CSGALNACT1: variants seen among roughly 807,000 people sequenced by gnomAD.
The protein encoded by CSGALNACT1 is chondroitin sulfate N-acetylgalactosaminyltransferase 1, also known as beta4GalNAcT-1.
Under a neutral mutation model 51.0 loss-of-function variants are expected in CSGALNACT1, and 52 were observed. The ratio of observed to expected loss-of-function variants is 1.02; its 90% CI spans 0.82 to 1.29. The LOEUF is 1.29. Among genes scored for constraint, CSGALNACT1 ranks in the 50% most tolerant of loss-of-function variants. CSGALNACT1 has a pLI of 0.00. For synonymous variants in CSGALNACT1, 341 were observed against 254.4 expected (o/e 1.34, Z -3.24); for missense variants, 935 against 679.2 (o/e 1.38, Z -4.19).
At chr8:19,578,396 C>T (rs1340657071) in intron 3 of CSGALNACT1, among the ~76,000 whole-genome samples, 1 of 152,286 alleles carries the variant, frequency 6.6e-6, no homozygotes, top group Admixed American at 6.5e-5. Context: ...CACCTGTGAT[C>T]CTGCTGCCTG....
chr8:19,465,221 T>C lies in CSGALNACT1; in HGVS notation c.635-6579A>G, dbSNP rs143729171. On this transcript the variant is annotated intron_variant, in intron 4 of 9. Transcript: ENST00000454498. ...ACATGGATGAATCGTGCAGACATTA[T>C]GCTAAGTGAAATGCGCCAGTCACAA... 3.3e-3 allele frequency among the ~76,000 whole-genome samples: 498 copies of C among 152,330 alleles called. 8 individuals carry two copies. Among genetic ancestry groups the C allele is most frequent in the African/African-American group, 0.011 (457 of 41,574 alleles).
At chr8:19,505,972 C>T (rs750902001) in exon 4 of CSGALNACT1, 8 of 929,180 alleles carry the variant, frequency 8.6e-6, no homozygotes, top group South Asian at 5.6e-5. Context: ...CCTTCTAGAA[C>T]GAGTTCTGCC....
intron 1 of CSGALNACT1, among the ~76,000 whole-genome samples, chr8:19,609,743 A>G (rs192565686): frequency 1.6e-3 from 247 of 152,230 alleles, no homozygotes; most frequent in African/African-American, 5.8e-3. Flanking sequence ...GGGGATGTAT[A>G]TATTTTCGAT....
intron 3 of CSGALNACT1, among the ~76,000 whole-genome samples, chr8:19,550,222 G>C (rs1041494358): frequency 6.6e-6 from 1 of 152,128 alleles, no homozygotes; most frequent in Non-Finnish European, 1.5e-5. Context: ...CTGAGCTCAA[G>C]CAATTCTCCC....
chr8:19,494,866 C>T (rs6991941), intron 4 of CSGALNACT1, among the ~76,000 whole-genome samples: 86,953 of 141,710 alleles, frequency 0.61, 26,373 homozygotes, highest in East Asian at 0.84. Flanking sequence ...CCTATGTTCA[C>T]AGTAAAAACA....
chr8:19,720,199 A>T (rs776203655), intron 1 of CSGALNACT1, among the ~76,000 whole-genome samples: 4 of 152,182 alleles, frequency 2.6e-5, no homozygotes, highest in Non-Finnish European at 5.9e-5. Context: ...AAACCCCGCA[A>T]TTCATGCCAG....
chr8:19,672,005 G>A (rs1402983598), intron 1 of CSGALNACT1, among the ~76,000 whole-genome samples: 1 of 152,168 alleles, frequency 6.6e-6, no homozygotes, highest in African/African-American at 2.4e-5. Flanking sequence ...TATAAATAAC[G>A]CTTCCATTTC....
intron 1 of CSGALNACT1, among the ~76,000 whole-genome samples, chr8:19,736,309 T>C (rs2063968823): frequency 6.6e-6 from 1 of 152,200 alleles, no homozygotes; most frequent in Non-Finnish European, 1.5e-5. Context: ...GACGACAGAC[T>C]TGAGTAGTTG....
chr8:19,580,043 G>C (rs970015691), intron 3 of CSGALNACT1, among the ~76,000 whole-genome samples: 5 of 152,206 alleles, frequency 3.3e-5, no homozygotes, highest in African/African-American at 1.2e-4. Flanking sequence ...ACCCTGAAGT[G>C]AGACCCTCCT....
At chr8:19,626,267 C>T (rs188578187) in intron 1 of CSGALNACT1, among the ~76,000 whole-genome samples, 2 of 152,060 alleles carry the variant, frequency 1.3e-5, no homozygotes, top group African/African-American at 2.4e-5. Flanking sequence ...AATAGCTTTA[C>T]GTAAGAATGG....
At chr8:19,404,853 A>G (rs2153655470) in exon 10 of CSGALNACT1, 1 of 454,534 alleles carries the variant, frequency 2.2e-6, no homozygotes, top group Non-Finnish European at 4.4e-6. Flanking sequence ...CTTTTCCTCC[A>G]GTGTTCAGTT....
chr8:19,706,711 C>T (rs1327540752), intron 1 of CSGALNACT1, among the ~76,000 whole-genome samples: 2 of 152,090 alleles, frequency 1.3e-5, no homozygotes, highest in Non-Finnish European at 2.9e-5. Context: ...CAGGTGTGGG[C>T]ACTCCCGGCT....
At chr8:19,513,049 C>T (rs924282528) in intron 3 of CSGALNACT1, among the ~76,000 whole-genome samples, 1 of 152,150 alleles carries the variant, frequency 6.6e-6, no homozygotes, top group African/African-American at 2.4e-5. Context: ...GAAAACCATC[C>T]CTAGCCCTTC....
chr8:19,698,017 T>C (rs2061668279), intron 1 of CSGALNACT1, among the ~76,000 whole-genome samples: 1 of 152,106 alleles, frequency 6.6e-6, no homozygotes, highest in Non-Finnish European at 1.5e-5. Context: ...ATTTGTCAAT[T>C]AGAAAGTCAT....
At chr8:19,610,308 A>T (rs1284149176) in intron 1 of CSGALNACT1, among the ~76,000 whole-genome samples, 2 of 151,000 alleles carry the variant, frequency 1.3e-5, no homozygotes, top group East Asian at 3.9e-4. Flanking sequence ...AAAAAAAAAA[A>T]AAAGATACAG....
chr8:19,469,884 G>C (rs2067701169), intron 4 of CSGALNACT1, among the ~76,000 whole-genome samples: 1 of 152,134 alleles, frequency 6.6e-6, no homozygotes, highest in Non-Finnish European at 1.5e-5. Flanking sequence ...AGAACTTGGT[G>C]TCTGCAACCC....
At chr8:19,438,818 T>C (rs2060818858) in intron 6 of CSGALNACT1, among the ~76,000 whole-genome samples, 1 of 152,232 alleles carries the variant, frequency 6.6e-6, no homozygotes, top group African/African-American at 2.4e-5. Context: ...TAATTATAAC[T>C]AGCATTCAGA....
chr8:19,430,012 G>A (rs1256262011), intron 6 of CSGALNACT1, among the ~76,000 whole-genome samples: 1 of 152,176 alleles, frequency 6.6e-6, no homozygotes, highest in East Asian at 1.9e-4. Flanking sequence ...GGCCACTTGT[G>A]TATCATCTTT....
intron 5 of CSGALNACT1, among the ~76,000 whole-genome samples, chr8:19,442,743 G>A (rs1319986037): frequency 2.7e-5 from 4 of 150,108 alleles, no homozygotes; most frequent in Non-Finnish European, 3.0e-5. Context: ...TATGAAGTAC[G>A]AAAGATGAGA....
Sources: gnomAD v4.1 joint callset for allele counts (sites outside exome capture counted in the v4.1 genomes callset) on GRCh38, gnomAD v4.1.1 for gene constraint, MANE v1.5 for transcripts, NCBI Gene and HGNC (gene_info 2026-07-23, HGNC 2026-07-21) for gene names.